Variants in AFDN observed in about 807,000 individuals in gnomAD.
The protein encoded by AFDN is afadin, adherens junction formation factor, also known as afadin.
A neutral mutation model predicts 216.6 loss-of-function variants in AFDN; 68 were observed. The ratio of observed to expected loss-of-function variants is 0.31; its 90% CI spans 0.26 to 0.38. The LOEUF (loss-of-function observed/expected upper bound fraction) is 0.38, where lower values mean the gene tolerates loss of function less well. Among genes scored for constraint, AFDN ranks in the 10% least tolerant of loss-of-function variants. The pLI is 1.00. For synonymous variants in AFDN, 868 were observed against 853.7 expected (o/e 1.02, Z -0.29); for missense variants, 2,136 against 2,342.0 (o/e 0.91, Z 1.82).
intron 21 of AFDN, among the ~76,000 whole-genome samples, chr6:167,921,808 TAAAA>T (rs3837051): frequency 3.4e-5 from 5 of 148,224 alleles, no homozygotes; most frequent in African/African-American, 4.9e-5. Context: ...ATTTAAAAAA[TAAAA>T]AAAAAAACTA....
upstream of AFDN, chr6:167,826,597 C>T (rs1583046903): frequency 1.9e-6 from 1 of 524,974 alleles, no homozygotes; most frequent in Non-Finnish European, 3.9e-6. Context: ...CAACACAGCA[C>T]CACCCATCGG....
At chr6:167,945,283 T>G (rs911539699) in intron 26 of AFDN, among the ~76,000 whole-genome samples, 1 of 152,166 alleles carries the variant, frequency 6.6e-6, no homozygotes, top group Non-Finnish European at 1.5e-5. Context: ...CCTCCACATC[T>G]GGTCCCACGG....
Position 167,946,920 on chromosome 6 carries a change from T to C in AFDN, c.3553+19T>C, listed in dbSNP as rs769216862. On this transcript the variant is annotated intron_variant, in intron 27 of 33. Coordinates refer to ENST00000683244, the MANE Select transcript of AFDN (RefSeq NM_001386888.1). ...GTAGCAAGTAAGAGTGACACTTTTTTGCTTCCTAAGTACACTTGTGATCAC... is the reference window on the plus strand; with the variant it reads ...GTAGCAAGTAAGAGTGACACTTTTTCGCTTCCTAAGTACACTTGTGATCAC... 1.0e-5 allele frequency: 16 copies of C among 1,600,536 alleles called. No homozygotes were observed. Among genetic ancestry groups the C allele is most frequent in the Non-Finnish European group, 1.4e-5 (16 of 1,175,718 alleles).
intron 1 of AFDN, chr6:167,863,650 G>A (rs1583200487): frequency 2.6e-6 from 1 of 386,396 alleles, no homozygotes; most frequent in African/African-American, 2.0e-5. Flanking sequence ...AATATTCTCT[G>A]GAATTTTTGT....
At chr6:167,934,521 C>T (rs1050850351) in intron 23 of AFDN, among the ~76,000 whole-genome samples, 2 of 152,124 alleles carry the variant, frequency 1.3e-5, no homozygotes, top group Non-Finnish European at 2.9e-5. Flanking sequence ...AGGAGAGCAG[C>T]GAGCGGGCAG....
intron 26 of AFDN, among the ~76,000 whole-genome samples, chr6:167,944,874 G>T (rs1795089244): frequency 6.6e-6 from 1 of 152,124 alleles, no homozygotes; most frequent in South Asian, 2.1e-4. Flanking sequence ...TGCTCTGGGT[G>T]CGTCCACGAG....
intron 5 of AFDN, among the ~76,000 whole-genome samples, chr6:167,878,399 G>A (rs957393383): frequency 1.3e-5 from 2 of 152,042 alleles, no homozygotes; most frequent in African/African-American, 4.8e-5. Flanking sequence ...TAAGGAGTGT[G>A]CCTTCTGGTG....
rs190008720 is a variant in AFDN, at chr6:167,894,238, C to T, written c.1222+332C>T. ...AAAGCACTCGTTGGGCGGTGCTCAG[C>T]CAGTCTGCCTCCCTTCATCTGTAGA... is the stretch of plus-strand genomic sequence containing the variant. On this transcript the variant is annotated intron_variant, in intron 9 of 33. Coordinates refer to ENST00000683244, the MANE Select transcript of AFDN (RefSeq NM_001386888.1). 3.7e-3 allele frequency among the ~76,000 whole-genome samples: 559 copies of T among 152,214 alleles called. 8 individuals are homozygous for T. Among genetic ancestry groups the T allele is most frequent in the South Asian group, 0.017 (84 of 4,826 alleles).
At chr6:167,855,985 A>G (rs892084213) in intron 1 of AFDN, among the ~76,000 whole-genome samples, 2 of 152,108 alleles carry the variant, frequency 1.3e-5, no homozygotes, top group East Asian at 1.9e-4. Flanking sequence ...AAAATAAACA[A>G]CTAATATGTT....
In AFDN at chr6:167,971,878, A is replaced by G. The variant is rs1798048133; in HGVS notation, c.*1943A>G. On this transcript the variant is annotated 3_prime_UTR_variant, in exon 34 of 34. Transcript: ENST00000683244. ...TCCATTTCTACTGTATTTCAGTTGC[A>G]ACCTATTTTTAATAAACTTTGTATG... 4.9e-6 allele frequency: 1 copy of G among 202,470 alleles called. No individual in the cohort carries two copies. The highest frequency in any genetic ancestry group is 1.9e-4 in the South Asian group (1 of 5,228). 12.5% of individuals were successfully genotyped at this position (202,470 alleles called of 1,614,324 possible).
chr6:167,939,155 T>C (rs150369060), intron 23 of AFDN, among the ~76,000 whole-genome samples: 13 of 152,330 alleles, frequency 8.5e-5, no homozygotes, highest in South Asian at 4.1e-4. Context: ...ATAGTGTCAC[T>C]AAAAATGCTG....
At chr6:167,947,422 G>A (rs536970862) in intron 27 of AFDN, among the ~76,000 whole-genome samples, 48 of 152,206 alleles carry the variant, frequency 3.2e-4, no homozygotes, top group East Asian at 1.5e-3. Flanking sequence ...CTCGTGATCT[G>A]CCCGCCTTGG....
chr6:167,944,822 A>G (rs762964442), intron 26 of AFDN, among the ~76,000 whole-genome samples: 47 of 152,100 alleles, frequency 3.1e-4, no homozygotes, highest in Non-Finnish European at 5.6e-4. Flanking sequence ...CTAGACCCAT[A>G]GAAGGCCACT....
At chr6:167,919,553 C>A (rs114637603) in intron 21 of AFDN, among the ~76,000 whole-genome samples, 5,525 of 152,372 alleles carry the variant, frequency 0.036, 111 homozygotes, top group African/African-American at 0.045. Context: ...GTGGCCAGCA[C>A]TGCCAAGCTG....
chr6:167,957,399 G>A (rs777494380), intron 30 of AFDN, among the ~76,000 whole-genome samples: 1 of 152,236 alleles, frequency 6.6e-6, no homozygotes, highest in Non-Finnish European at 1.5e-5. Flanking sequence ...AGTCGAGTGA[G>A]TGGGATCGGA....
At chr6:167,950,804 T>C (rs1272406483) in intron 29 of AFDN, among the ~76,000 whole-genome samples, 1 of 151,488 alleles carries the variant, frequency 6.6e-6, no homozygotes, top group Admixed American at 6.6e-5. Context: ...GGATGGGCAC[T>C]GGCACTGAAG....
chr6:167,945,496 C>T (rs1357579260), intron 26 of AFDN, among the ~76,000 whole-genome samples: 2 of 152,210 alleles, frequency 1.3e-5, no homozygotes, highest in African/African-American at 2.4e-5. Context: ...TCGCATATTA[C>T]ATTATCAAGT....
At chr6:167,898,094 A>G (rs1408045827) in intron 10 of AFDN, 111 bp from the exon 11 acceptor site, 1 of 1,168,826 alleles carries the variant, frequency 8.6e-7, no homozygotes, top group East Asian at 2.5e-5. Flanking sequence ...AAAAATCCAG[A>G]GCTTATTAGG....
chr6:167,902,417 G>A (rs1432785815), intron 12 of AFDN, 31 bp downstream of exon 12: 4 of 1,524,820 alleles, frequency 2.6e-6, no homozygotes, highest in Non-Finnish European at 3.6e-6. Context: ...TGATAGAAGT[G>A]TGCTTGCTAT....
Sources: allele counts gnomAD v4.1 joint callset (sites outside exome capture counted in the v4.1 genomes callset), GRCh38; gene constraint gnomAD v4.1.1; transcripts MANE v1.5; gene names NCBI Gene and HGNC (gene_info 2026-07-23, HGNC 2026-07-21).